CA5B: variants seen among roughly 807,000 people sequenced by gnomAD.
The protein encoded by CA5B is carbonic anhydrase 5B, mitochondrial.
CA5B carries 15 observed loss-of-function variants against 23.1 expected under a neutral mutation model. The ratio of observed to expected loss-of-function variants is 0.65; its 90% CI spans 0.43 to 1.00. The LOEUF (loss-of-function observed/expected upper bound fraction) is 1.00, where lower values mean the gene tolerates loss of function less well. Among genes scored for constraint, CA5B ranks in the 50% least tolerant of loss-of-function variants. CA5B has a pLI of 0.00. For synonymous variants in CA5B, 84 were observed against 98.5 expected (o/e 0.85, Z 0.87); for missense variants, 236 against 252.2 (o/e 0.94, Z 0.43).
chrX:15,779,154 G>T (rs775193087), intron 7 of CA5B, among the ~76,000 whole-genome samples: 5 of 111,275 alleles, frequency 4.5e-5, no homozygotes, highest in Non-Finnish European at 9.4e-5. Flanking sequence ...TAGTTCAAAG[G>T]CCTGAGAGCT....
chrX:15,740,391 A>G (rs1931094652), intron 1 of CA5B, among the ~76,000 whole-genome samples: 1 of 112,828 alleles, frequency 8.9e-6, no homozygotes, highest in Non-Finnish European at 1.9e-5. Context: ...ACCAACTCTT[A>G]AAAAACTATA....
intron 2 of CA5B, among the ~76,000 whole-genome samples, chrX:15,758,468 G>A (rs1931537900): frequency 8.9e-6 from 1 of 111,862 alleles, no homozygotes; most frequent in South Asian, 3.8e-4. Flanking sequence ...TGGGGAAAAG[G>A]ATTTCAGCGT....
At chrX:15,768,437 C>G (rs764657855) in intron 3 of CA5B, among the ~76,000 whole-genome samples, 7 of 112,372 alleles carry the variant, frequency 6.2e-5, no homozygotes, top group Non-Finnish European at 1.1e-4. Flanking sequence ...TTGAACCTGT[C>G]TTCCCTGGGA....
At chrX:15,751,432 C>G (rs752966819) in intron 2 of CA5B, among the ~76,000 whole-genome samples, 1 of 111,942 alleles carries the variant, frequency 8.9e-6, no homozygotes, top group African/African-American at 3.2e-5. Context: ...TTTCTGGTTG[C>G]TAGGTGTGGT....
At chrX:15,744,745 C>G (rs767628775) in intron 1 of CA5B, among the ~76,000 whole-genome samples, 18 of 111,306 alleles carry the variant, frequency 1.6e-4, no homozygotes, top group African/African-American at 5.6e-4. Flanking sequence ...GCCTTTGCCT[C>G]CCTGTTAAAT....
chrX:15,752,158 G>A lies in CA5B; in HGVS notation c.142+1993G>A, dbSNP rs185902023. Among the ~76,000 whole-genome samples, 4 of 110,237 alleles carry A rather than the reference G, an allele frequency of 3.6e-5. No homozygotes were observed. The East Asian group carries it at 1.1e-3, about 31-fold the overall frequency. On this transcript the variant is annotated intron_variant, in intron 2 of 7. Coordinates refer to ENST00000318636, the MANE Select transcript of CA5B (RefSeq NM_007220.4). Reference sequence around the variant, plus strand: ...CAAGACATAAATCAATACATGTAAGGTATACATTGTGAGGACGAAACTCTG... The same window carrying A: ...CAAGACATAAATCAATACATGTAAGATATACATTGTGAGGACGAAACTCTG...
intron 2 of CA5B, among the ~76,000 whole-genome samples, chrX:15,752,014 G>C (rs921035627): frequency 1.8e-5 from 2 of 111,644 alleles, no homozygotes; most frequent in Non-Finnish European, 3.8e-5. Context: ...TATTTGAAGA[G>C]GTTCATTCTG....
chrX:15,741,018 T>C (rs1319650926), intron 1 of CA5B, among the ~76,000 whole-genome samples: 2 of 110,437 alleles, frequency 1.8e-5, no homozygotes, highest in African/African-American at 6.6e-5. Context: ...GCCAAGATCG[T>C]GCCACTGCAC....
intron 3 of CA5B, among the ~76,000 whole-genome samples, chrX:15,770,362 C>T (rs1202576656): frequency 8.9e-6 from 1 of 111,933 alleles, no homozygotes; most frequent in Non-Finnish European, 1.9e-5. Context: ...ACCTCAAATA[C>T]ATAAGTATAT....
chrX:15,744,132 G>T (rs1164255418), intron 1 of CA5B, among the ~76,000 whole-genome samples: 1 of 112,546 alleles, frequency 8.9e-6, no homozygotes, highest in East Asian at 2.8e-4. Flanking sequence ...CTTCCTCTAG[G>T]CCAGGCGTCA....
At chrX:15,753,577 G>T (rs1159257395) in intron 2 of CA5B, among the ~76,000 whole-genome samples, 1 of 112,420 alleles carries the variant, frequency 8.9e-6, no homozygotes. Flanking sequence ...ACAAGGGATG[G>T]CTTTGCAGGG....
At position 15,783,930 on chromosome X, in the gene CA5B, C is replaced by T. The variant is rs1484289490; in HGVS notation, c.*1266C>T. 3.0e-5 allele frequency: 3 copies of T among 99,481 alleles called. No individual in the cohort carries two copies. Among genetic ancestry groups the T allele is most frequent in the Admixed American group, 1.1e-4 (1 of 9,481 alleles). The allele number at this position is 99,481 out of a possible 1,213,427, so 8.2% of individuals were successfully genotyped here. A position where few individuals can be genotyped will look rare whatever the true frequency, so the allele number is the denominator to read the frequency against. On this transcript the variant is annotated 3_prime_UTR_variant, in exon 8 of 8. Coordinates refer to ENST00000318636, the MANE Select transcript of CA5B (RefSeq NM_007220.4). ...TGAGATGGAGTCTCGCTCTGTCCCCCAGGCTGGAGTGCAGTGGCACTATCT... is the reference window on the plus strand; with the variant it reads ...TGAGATGGAGTCTCGCTCTGTCCCCTAGGCTGGAGTGCAGTGGCACTATCT...
chrX:15,748,019 C>T (rs986092449), intron 1 of CA5B, among the ~76,000 whole-genome samples: 13 of 111,280 alleles, frequency 1.2e-4, no homozygotes, highest in African/African-American at 3.6e-4. Flanking sequence ...CTTGAGGAGG[C>T]GGTGTCTGAT....
chrX:15,765,807 T>C lies in CA5B; in HGVS notation c.340+1032T>C, dbSNP rs150884549. 4.6e-3 allele frequency among the ~76,000 whole-genome samples: 504 copies of C among 110,263 alleles called. 6 individuals are homozygous for C. The highest frequency in any genetic ancestry group is 0.016 in the African/African-American group (493 of 30,300). ...TATCAATAGAGCTGAAGCGGAGAAATCTTGATCTCAAGGAAACTTGTTTTC... is the reference window on the plus strand; with the variant it reads ...TATCAATAGAGCTGAAGCGGAGAAACCTTGATCTCAAGGAAACTTGTTTTC... On this transcript the variant is annotated intron_variant, in intron 3 of 7. Transcript: ENST00000318636.
At chrX:15,762,525 G>A (rs910522473) in intron 2 of CA5B, among the ~76,000 whole-genome samples, 1 of 107,358 alleles carries the variant, frequency 9.3e-6, no homozygotes, top group African/African-American at 3.4e-5. Flanking sequence ...CACTACAATC[G>A]CCATCTCCCG....
chrX:15,773,626 G>C (rs1415922312), intron 4 of CA5B, among the ~76,000 whole-genome samples: 1 of 109,919 alleles, frequency 9.1e-6, no homozygotes, highest in Non-Finnish European at 1.9e-5. Context: ...AGCCAGGATG[G>C]TCTCGATCTC....
chrX:15,764,458 T>G, intron 2 of CA5B, 120 bp from the exon 3 acceptor site: 1 of 1,085,774 alleles, frequency 9.2e-7, no homozygotes, highest in Admixed American at 2.8e-5. Flanking sequence ...TAGGCTGGTC[T>G]CAAACTTCTG....
intron 2 of CA5B, among the ~76,000 whole-genome samples, chrX:15,752,072 T>G (rs1372549379): frequency 8.9e-6 from 1 of 111,859 alleles, no homozygotes; most frequent in Non-Finnish European, 1.9e-5. Flanking sequence ...CAAGAGGTCC[T>G]GAGAACACAT....
intron 7 of CA5B, among the ~76,000 whole-genome samples, chrX:15,778,362 A>G (rs1428929385): frequency 8.9e-6 from 1 of 112,144 alleles, no homozygotes; most frequent in Non-Finnish European, 1.9e-5. Flanking sequence ...GGATTTTTAA[A>G]TTGATATGCT....
Sources: gnomAD v4.1 joint callset for allele counts (sites outside exome capture counted in the v4.1 genomes callset) on GRCh38, gnomAD v4.1.1 for gene constraint, MANE v1.5 for transcripts, NCBI Gene and HGNC (gene_info 2026-07-23, HGNC 2026-07-21) for gene names.